SERINC2: variants seen among roughly 807,000 people sequenced by gnomAD.
SERINC2 encodes the protein tumor differentially expressed protein 2.
Under a neutral mutation model 54.2 loss-of-function variants are expected in SERINC2, and 56 were observed. The observed-to-expected ratio is 1.03, with a 90% confidence interval of 0.83 to 1.29. The LOEUF (loss-of-function observed/expected upper bound fraction) is 1.29. Ranked by LOEUF, SERINC2 falls within the 50% of genes most tolerant of loss-of-function variation. SERINC2 has a pLI of 0.00. For synonymous variants in SERINC2, 272 were observed against 253.1 expected (o/e 1.07, Z -0.71); for missense variants, 614 against 607.4 (o/e 1.01, Z -0.12).
chr1:31,415,189 T>C (rs1242774013), intron 1 of SERINC2, among the ~76,000 whole-genome samples: 4 of 152,208 alleles, frequency 2.6e-5, no homozygotes. Flanking sequence ...TGATTCCTGG[T>C]CCAGGCTTCT....
upstream of SERINC2, chr1:31,410,271 C>T (rs1361844758): frequency 1.4e-5 from 21 of 1,496,512 alleles, no homozygotes; most frequent in Middle Eastern, 3.6e-4. Context: ...GGAGTAAAGG[C>T]TGATGGGCTG....
chr1:31,421,302 C>G (rs1553132724), intron 1 of SERINC2, among the ~76,000 whole-genome samples: 1 of 152,016 alleles, frequency 6.6e-6, no homozygotes, highest in African/African-American at 2.4e-5. Context: ...AAAGTGTCTT[C>G]CCTGAAATTG....
At chr1:31,415,548 A>ATG (rs1346416506) in intron 1 of SERINC2, among the ~76,000 whole-genome samples, 1 of 152,190 alleles carries the variant, frequency 6.6e-6, no homozygotes, top group Non-Finnish European at 1.5e-5. Context: ...CAGTATGTGT[A>ATG]TGTGTGTGTA....
intron 1 of SERINC2, among the ~76,000 whole-genome samples, chr1:31,418,397 G>A (rs1471562927): frequency 2.6e-5 from 4 of 151,848 alleles, no homozygotes; most frequent in African/African-American, 9.7e-5. Flanking sequence ...TAAATTTTGA[G>A]ACGAACTCAT....
In SERINC2 at chr1:31,429,500, G is replaced by GGGCCTCATCATCTTCCTCCTGTGC. The variant is rs879988712; in HGVS notation, c.976_999dup (p.Gly326_Cys333dup). 1 of 1,613,406 alleles carries GGGCCTCATCATCTTCCTCCTGTGC rather than the reference G, an allele frequency of 6.2e-7. No individual in the cohort carries two copies. Among genetic ancestry groups the GGGCCTCATCATCTTCCTCCTGTGC allele is most frequent in the Non-Finnish European group, 8.5e-7 (1 of 1,179,708 alleles). On this transcript the variant is annotated inframe_insertion, in exon 8 of 10. Coordinates refer to ENST00000373709, the MANE Select transcript of SERINC2 (RefSeq NM_178865.5). ...AGTGGTGGGATGCCCCGAGCATTGTGGGCCTCATCATCTTCCTCCTGTGCA... is the reference window on the plus strand; with the variant it reads ...AGTGGTGGGATGCCCCGAGCATTGTGGGCCTCATCATCTTCCTCCTGTGCGGCCTCATCATCTTCCTCCTGTGCA...
chr1:31,425,457 G>A (rs782774642), intron 4 of SERINC2, 48 bp downstream of exon 4: 100 of 1,384,566 alleles, frequency 7.2e-5, no homozygotes, highest in Admixed American at 6.9e-4. Flanking sequence ...GAGGGAAGTG[G>A]GGCGGCAGGT....
At chr1:31,430,519 A>G (rs188002506) in intron 8 of SERINC2, among the ~76,000 whole-genome samples, 2 of 152,078 alleles carry the variant, frequency 1.3e-5, no homozygotes, top group East Asian at 3.9e-4. Flanking sequence ...AAGGTTTTGT[A>G]ATTAGTCAGG....
In SERINC2 at chr1:31,433,081, C is replaced by G. The variant is rs1641367002; in HGVS notation, c.1128C>G (p.Ala376=). The G allele has an allele frequency of 6.2e-7, 1 of 1,613,464 alleles. No individual in the cohort carries two copies. The highest frequency in any genetic ancestry group is 8.5e-7 in the Non-Finnish European group (1 of 1,180,012). The change falls in exon 9 of 10, where the codon GCC becomes GCG. Residue 376 remains alanine (A), a synonymous_variant. Transcript: ENST00000373709. The part of the protein sequence containing the change: ...QQQVAACEGR[A]FDNEQDGVTY... ...AGGTGGCAGCCTGTGAGGGCCGGGCCTTTGACAACGAGCAGGACGGCGTCA... is the reference window on the plus strand; with the variant it reads ...AGGTGGCAGCCTGTGAGGGCCGGGCGTTTGACAACGAGCAGGACGGCGTCA...
In SERINC2 at chr1:31,428,975, CAGGA is replaced by C; in HGVS notation, c.781-2_782del. On this transcript the variant is annotated splice_acceptor_variant and coding_sequence_variant, in exon 7 of 10. Transcript: ENST00000373709. LOFTEE classifies it high-confidence loss of function. ...GGGGTCTTACCAGGGGTCCTCTTGC[CAGGA>C]CGCCCAGCCCAACTCGGGTCTGCTG... The C allele has an allele frequency of 1.2e-6, 2 of 1,613,580 alleles. No homozygotes were observed. Among genetic ancestry groups the C allele is most frequent in the Non-Finnish European group, 1.7e-6 (2 of 1,179,706 alleles).
chr1:31,433,414 G>T (rs1641380973), intron 9 of SERINC2, among the ~76,000 whole-genome samples: 1 of 152,162 alleles, frequency 6.6e-6, no homozygotes, highest in Non-Finnish European at 1.5e-5. Context: ...ACCGGGGAAG[G>T]CACAGCAGCT....
At chr1:31,425,461 G>A (rs548182556) in intron 4 of SERINC2, 52 bp downstream of exon 4, 33 of 1,363,024 alleles carry the variant, frequency 2.4e-5, no homozygotes, top group South Asian at 5.8e-5. Flanking sequence ...GAAGTGGGGC[G>A]GCAGGTTGGA....
At chr1:31,431,862 G>T (rs1553134559) in intron 8 of SERINC2, among the ~76,000 whole-genome samples, 63 of 149,256 alleles carry the variant, frequency 4.2e-4, no homozygotes, top group African/African-American at 1.5e-3. Context: ...GGGTGGATAG[G>T]GTGGATAGGG....
intron 1 of SERINC2, among the ~76,000 whole-genome samples, chr1:31,421,152 C>T (rs1557491054): frequency 6.6e-6 from 1 of 152,146 alleles, no homozygotes; most frequent in Non-Finnish European, 1.5e-5. Flanking sequence ...GGAGTGCGAA[C>T]CCTATTGTGA....
intron 1 of SERINC2, among the ~76,000 whole-genome samples, chr1:31,420,748 A>G (rs547525193): frequency 6.6e-6 from 1 of 152,306 alleles, no homozygotes; most frequent in African/African-American, 2.4e-5. Flanking sequence ...TGAAAATGGA[A>G]AGTTACCACA....
rs1375013933 is a variant in SERINC2 at position 31,434,628 on chromosome 1, C to G, written c.*429C>G. On this transcript the variant is annotated 3_prime_UTR_variant, in exon 10 of 10. Coordinates refer to ENST00000373709, the MANE Select transcript of SERINC2 (RefSeq NM_178865.5). ...CCTGCCCACTTCCTGGACTTCGTGC[C>G]TTACTGAGTCTCTAAGACTTTTTCT... 4.0e-5 allele frequency: 8 copies of G among 201,838 alleles called. No homozygotes were observed. The highest frequency in any genetic ancestry group is 6.9e-5 in the African/African-American group (3 of 43,394). The allele number at this position is 201,838 out of a possible 1,614,324, so 12.5% of individuals were successfully genotyped here. A position where few individuals can be genotyped will look rare whatever the true frequency, so the allele number is the denominator to read the frequency against.
rs115535911 is a variant in SERINC2, at chr1:31,433,720, A to T, written c.1233-344A>T. 6.2e-3 allele frequency among the ~76,000 whole-genome samples: 949 copies of T among 152,206 alleles called. 5 individuals carry two copies. The highest frequency in any genetic ancestry group is 9.7e-3 in the Non-Finnish European group (660 of 67,992). ...TCAGGGGCCACCCCTAAGTTACAGG[A>T]TCAAAGGTCAGAATCAAGGGTAGCG... On this transcript the variant is annotated intron_variant, in intron 9 of 9. Coordinates refer to ENST00000373709, the MANE Select transcript of SERINC2 (RefSeq NM_178865.5).
chr1:31,409,885 G>A, upstream of SERINC2: 1 of 1,530,274 alleles, frequency 6.5e-7, no homozygotes, highest in Non-Finnish European at 8.8e-7. Context: ...TGGATTGGGG[G>A]CACTGAGGCG....
In SERINC2 at chr1:31,429,547, A is replaced by C. The variant is rs1453009048; in HGVS notation, c.1013+9A>C. On this transcript the variant is annotated intron_variant, in intron 8 of 9. Coordinates refer to ENST00000373709, the MANE Select transcript of SERINC2 (RefSeq NM_178865.5). ...TGCACCCTCTTCATCAGGTATGGCC[A>C]GGTCTGGATTCTGGGGAAGGATCAT... 1.9e-6 allele frequency: 3 copies of C among 1,587,286 alleles called. No homozygotes were observed. The highest frequency in any genetic ancestry group is 1.7e-6 in the Non-Finnish European group (2 of 1,164,210).
rs918854769 is a variant in SERINC2 at position 31,429,172 on chromosome 1, C to T, written c.871+104C>T. Reference sequence around the variant, plus strand: ...CACAGGTGACAGGGACATCCCTGCTCCAGCCCATTCTGAGACTCAGTCCTC... The same window carrying T: ...CACAGGTGACAGGGACATCCCTGCTTCAGCCCATTCTGAGACTCAGTCCTC... On this transcript the variant is annotated intron_variant, in intron 7 of 9. Transcript: ENST00000373709. The T allele has an allele frequency of 6.6e-5, 74 of 1,119,470 alleles. No individual in the cohort carries two copies. The South Asian group carries it at 9.4e-4, about 14-fold the overall frequency. The allele number at this position is 1,119,470 out of a possible 1,614,324, so 69.3% of individuals were successfully genotyped here.
Sources: allele counts gnomAD v4.1 joint callset (sites outside exome capture counted in the v4.1 genomes callset), GRCh38; gene constraint gnomAD v4.1.1; transcripts MANE v1.5; gene names NCBI Gene and HGNC (gene_info 2026-07-23, HGNC 2026-07-21).